Variants in ASPH observed in about 807,000 individuals in gnomAD.
ASPH encodes the protein aspartyl/asparaginyl beta-hydroxylase.
A neutral mutation model predicts 118.4 loss-of-function variants in ASPH; 100 were observed. That is an observed-to-expected ratio of 0.84 (90% CI 0.72 to 1.00). The LOEUF (loss-of-function observed/expected upper bound fraction) is 1.00. ASPH is among the 50% of genes least tolerant of loss of function. ASPH has a pLI of 0.00. For synonymous variants in ASPH, 315 were observed against 325.6 expected, an observed-to-expected ratio of 0.97 and a Z score of 0.35; for missense variants, 920 against 919.5, an observed-to-expected ratio of 1.00 and a Z score of -0.01.
At chr8:61,561,079 GGAGGGAGGGAGGGAGGGAGA>G (rs1229761045) in intron 18 of ASPH, among the ~76,000 whole-genome samples, 41,610 of 78,430 alleles carry the variant, frequency 0.53, 13,816 homozygotes, top group Middle Eastern at 0.71. Flanking sequence ...AGGGAGAGAG[GGAGGGAGGGAGGGAGGGAGA>G]GAGGGAGGGA....
intron 24 of ASPH, among the ~76,000 whole-genome samples, chr8:61,508,553 A>G (rs1268875562): frequency 6.6e-6 from 1 of 152,240 alleles, no homozygotes; most frequent in African/African-American, 2.4e-5. Flanking sequence ...AGGTGCTTAT[A>G]GAGTCTTCTA....
chr8:61,644,742 T>TA, intron 6 of ASPH, 110 bp from the exon 7 acceptor site: 1 of 775,276 alleles, frequency 1.3e-6, no homozygotes, highest in Non-Finnish European at 1.9e-6. Flanking sequence ...TTTAAAAAAT[T>TA]AAAAAATGGG....
At chr8:61,517,980 C>A in intron 23 of ASPH, 52 bp downstream of exon 23, 1 of 1,530,572 alleles carries the variant, frequency 6.5e-7, no homozygotes, top group Non-Finnish European at 9.0e-7. Flanking sequence ...GGTCAACACG[C>A]CCTTATTCCT....
At chr8:61,556,150 C>T in intron 18 of ASPH, 128 bp from the exon 19 acceptor site, 1 of 718,150 alleles carries the variant, frequency 1.4e-6, no homozygotes. Flanking sequence ...TATGATGTTA[C>T]AGCTGAAAAC....
Position 61,503,607 on chromosome 8 carries a change from A to T in ASPH, c.2127-98T>A, listed in dbSNP as rs561008040. ...ATGTGCGAGAACTACCTTTGGTAAC[A>T]ACCTTTGGGACATAACCAAATAACT... On this transcript the variant is annotated intron_variant, in intron 24 of 24. Coordinates refer to ENST00000379454, the MANE Select transcript of ASPH (RefSeq NM_004318.4). 24 of 1,213,902 alleles carry T rather than the reference A, an allele frequency of 2.0e-5. No individual in the cohort carries two copies. In the African/African-American group the frequency reaches 3.7e-4, roughly 19 times the overall value. The allele number at this position is 1,213,902 out of a possible 1,614,324, so 75.2% of individuals were successfully genotyped here.
At chr8:61,609,421 C>T (rs1346475473) in intron 14 of ASPH, among the ~76,000 whole-genome samples, 2 of 152,114 alleles carry the variant, frequency 1.3e-5, no homozygotes, top group East Asian at 3.9e-4. Flanking sequence ...TCCATGCTCA[C>T]CCACATCTCT....
rs544383763 is a variant in ASPH at position 61,714,424 on chromosome 8, G to A, written c.-53C>T. The stretch of plus-strand genomic sequence containing the variant: ...CTGGCGGACCTCCTTCAGTGCGCGG[G>A]GGTACACACGCGACGCGGGAACCGC... On this transcript the variant is annotated 5_prime_UTR_variant, in exon 1 of 25. Coordinates refer to ENST00000379454, the MANE Select transcript of ASPH (RefSeq NM_004318.4). The A allele has an allele frequency of 1.2e-5, 17 of 1,380,682 alleles. No individual in the cohort carries two copies. The African/African-American group carries it at 2.3e-4, about 19-fold the overall frequency. 85.5% of individuals were successfully genotyped at this position (1,380,682 alleles called of 1,614,324 possible).
At chr8:61,705,449 CAATA>C (rs1836348651) in intron 1 of ASPH, among the ~76,000 whole-genome samples, 1 of 151,822 alleles carries the variant, frequency 6.6e-6, no homozygotes, top group Non-Finnish European at 1.5e-5. Flanking sequence ...TACTATTTGA[CAATA>C]AAAAGGAACA....
intron 13 of ASPH, chr8:61,628,322 GCTTTT>G (rs760154989): frequency 3.3e-6 from 1 of 302,106 alleles, no homozygotes; most frequent in Non-Finnish European, 5.9e-6. Flanking sequence ...ACCAAGCCCG[GCTTTT>G]TTTTTTTTTT....
At chr8:61,666,466 GA>G (rs1374017164) in intron 3 of ASPH, among the ~76,000 whole-genome samples, 1 of 152,176 alleles carries the variant, frequency 6.6e-6, no homozygotes, top group Non-Finnish European at 1.5e-5. Context: ...CATTTAAGCA[GA>G]AGCAATGCCA....
intron 9 of ASPH, among the ~76,000 whole-genome samples, 182 bp downstream of exon 9, chr8:61,643,204 T>A (rs1171019313): frequency 6.6e-6 from 1 of 152,198 alleles, no homozygotes; most frequent in African/African-American, 2.4e-5. Context: ...GTTGATGAGG[T>A]GAAATATGAA....
intron 6 of ASPH, among the ~76,000 whole-genome samples, chr8:61,645,865 T>C (rs980534873): frequency 3.3e-5 from 5 of 152,218 alleles, no homozygotes; most frequent in African/African-American, 1.2e-4. Context: ...GTAGATAAAC[T>C]ACTTTTCATT....
At chr8:61,584,403 G>A (rs1391526646) in intron 14 of ASPH, among the ~76,000 whole-genome samples, 1 of 152,112 alleles carries the variant, frequency 6.6e-6, no homozygotes, top group East Asian at 1.9e-4. Context: ...TTTTGAATAT[G>A]TCCACAACTT....
At chr8:61,620,485 T>C (rs1197206294) in intron 13 of ASPH, among the ~76,000 whole-genome samples, 1 of 145,428 alleles carries the variant, frequency 6.9e-6, no homozygotes, top group African/African-American at 2.5e-5. Context: ...ATGCAGGACT[T>C]TTTTTTTTTT....
intron 2 of ASPH, among the ~76,000 whole-genome samples, chr8:61,681,334 T>A (rs1827952631): frequency 6.6e-6 from 1 of 151,780 alleles, no homozygotes; most frequent in South Asian, 2.1e-4. Context: ...TAATTTTTAT[T>A]ATACTGCTAA....
At chr8:61,625,452 G>C in intron 13 of ASPH, 1 of 985,208 alleles carries the variant, frequency 1.0e-6, no homozygotes, top group Non-Finnish European at 1.2e-6. Context: ...ATTTATACAG[G>C]TTTTCTAAAA....
intron 14 of ASPH, among the ~76,000 whole-genome samples, chr8:61,598,509 A>G (rs1441100445): frequency 1.3e-5 from 2 of 152,216 alleles, no homozygotes; most frequent in African/African-American, 4.8e-5. Context: ...TATTATCTCT[A>G]AAGGAAGAGA....
chr8:61,501,318 A>ACTT lies in ASPH; in HGVS notation c.*2038_*2040dup, dbSNP rs1236058055. 3 of 152,188 alleles carry ACTT rather than the reference A, an allele frequency of 2.0e-5. No individual in the cohort carries two copies. The East Asian group carries it at 5.8e-4, about 29-fold the overall frequency. The allele number at this position is 152,188 out of a possible 1,614,324, so 9.4% of individuals were successfully genotyped here. Reference sequence around the variant, plus strand: ...GCTATTGGAGTCAATTATTGACAACACTTTGCAACAGTAATACCATTTCTA... The same window carrying ACTT: ...GCTATTGGAGTCAATTATTGACAACACTTCTTTGCAACAGTAATACCATTTCTA... On this transcript the variant is annotated 3_prime_UTR_variant, in exon 25 of 25. Transcript: ENST00000379454.
Position 61,693,735 on chromosome 8 carries a change from C to T in ASPH, c.104-9547G>A, listed in dbSNP as rs745834723. The stretch of plus-strand genomic sequence containing the variant: ...TTTCCTCAACATTTTCTTCTTGGAT[C>T]CTGTAGTTCTCTTATTTCTGCTTCC... On this transcript the variant is annotated intron_variant, in intron 1 of 24. Transcript: ENST00000379454. Among the ~76,000 whole-genome samples, 180 of 152,306 alleles carry T rather than the reference C, an allele frequency of 1.2e-3. 1 individual carries two copies. The highest frequency in any genetic ancestry group is 4.7e-4 in the Non-Finnish European group (32 of 68,026).
Sources: gnomAD v4.1 joint callset for allele counts (sites outside exome capture counted in the v4.1 genomes callset) on GRCh38, gnomAD v4.1.1 for gene constraint, MANE v1.5 for transcripts, NCBI Gene and HGNC (gene_info 2026-07-23, HGNC 2026-07-21) for gene names.